The following BRD7 variants were observed in gnomAD, a reference collection of about 807,000 sequenced individuals.
BRD7 encodes bromodomain containing 7, also known as bromodomain-containing protein 7.
Under a neutral mutation model 82.1 loss-of-function variants are expected in BRD7, and 15 were observed. The observed-to-expected ratio is 0.18, with a 90% CI of 0.12 to 0.28. The LOEUF (loss-of-function observed/expected upper bound fraction) is 0.28, where lower values mean the gene tolerates loss of function less well. Among genes scored for constraint, BRD7 ranks in the 10% least tolerant of loss-of-function variants. The pLI is 1.00. For missense variants in BRD7, 638 were observed against 779.9 expected (o/e 0.82, Z 2.17); for synonymous variants, 232 against 266.9 (o/e 0.87, Z 1.27).
chr16:50,340,922 C>A (rs918903849), intron 5 of BRD7, among the ~76,000 whole-genome samples: 2 of 152,028 alleles, frequency 1.3e-5, no homozygotes, highest in African/African-American at 4.8e-5. Context: ...CTGCCCCCTA[C>A]AAATTTGTTT....
chr16:50,330,749 G>A (rs766922266), intron 8 of BRD7, among the ~76,000 whole-genome samples: 4 of 151,786 alleles, frequency 2.6e-5, no homozygotes, highest in African/African-American at 4.8e-5. Flanking sequence ...ACAGAATTTC[G>A]CTCAAATGCC....
At chr16:50,343,258 C>T (rs1245075406) in intron 5 of BRD7, among the ~76,000 whole-genome samples, 2 of 152,192 alleles carry the variant, frequency 1.3e-5, no homozygotes, top group Non-Finnish European at 2.9e-5. Context: ...GTGATTTGAT[C>T]ATGGAGGCAG....
rs564445936 is a variant in BRD7, at chr16:50,326,523, T to C, written c.1088-132A>G. ...GTGAAGGAGGCTGGGAAGCGCTTAC[T>C]ACATCCACTTTTATAAGAAAATCAA... On this transcript the variant is annotated intron_variant, in intron 9 of 16. Transcript: ENST00000394688. 9 of 501,376 alleles carry C rather than the reference T, an allele frequency of 1.8e-5. No individual in the cohort carries two copies. The South Asian group carries it at 3.9e-4, about 22-fold the overall frequency. 31.1% of individuals were successfully genotyped at this position (501,376 alleles called of 1,614,324 possible).
At chr16:50,356,311 C>T (rs1200042282) in intron 2 of BRD7, among the ~76,000 whole-genome samples, 1 of 152,176 alleles carries the variant, frequency 6.6e-6, no homozygotes, top group Admixed American at 6.5e-5. Context: ...GAGAAATTTC[C>T]TGTCGTATGG....
chr16:50,324,110 T>C (rs1478757752), intron 11 of BRD7, among the ~76,000 whole-genome samples: 1 of 152,048 alleles, frequency 6.6e-6, no homozygotes, highest in Non-Finnish European at 1.5e-5. Flanking sequence ...GCTTAAAATA[T>C]CCAAAATTGA....
At chr16:50,347,168 T>C (rs1017526831) in intron 5 of BRD7, among the ~76,000 whole-genome samples, 1 of 152,232 alleles carries the variant, frequency 6.6e-6, no homozygotes, top group Non-Finnish European at 1.5e-5. Context: ...ACCACATGAT[T>C]ATCTCAATAG....
chr16:50,344,873 C>T (rs1567276454), intron 5 of BRD7, among the ~76,000 whole-genome samples: 1 of 152,162 alleles, frequency 6.6e-6, no homozygotes, highest in Non-Finnish European at 1.5e-5. Flanking sequence ...ACTTCCCCAA[C>T]CTAGCAAGGC....
At chr16:50,338,803 C>G in intron 6 of BRD7, among the ~76,000 whole-genome samples, 1 of 152,184 alleles carries the variant, frequency 6.6e-6, no homozygotes, top group East Asian at 1.9e-4. Context: ...CCAAAGTCCA[C>G]AAGTTAGTGG....
Position 50,337,417 on chromosome 16 carries a change from C to T in BRD7, c.703-2522G>A, listed in dbSNP as rs150068323. 1.9e-3 allele frequency among the ~76,000 whole-genome samples: 296 copies of T among 152,016 alleles called. 3 individuals carry two copies. Among genetic ancestry groups the T allele is most frequent in the African/African-American group, 5.8e-3 (240 of 41,458 alleles). ...CTGGAATTACAGGCATGCACCACCA[C>T]GCCCAACTAATTTTGTATTTTTAGT... On this transcript the variant is annotated intron_variant, in intron 6 of 16. Coordinates refer to ENST00000394688, the MANE Select transcript of BRD7 (RefSeq NM_013263.5).
chr16:50,368,385 C>T, intron 1 of BRD7, 87 bp from the exon 2 acceptor site: 1 of 1,399,320 alleles, frequency 7.1e-7, no homozygotes, highest in Non-Finnish European at 9.7e-7. Flanking sequence ...AGCGCCAAGG[C>T]GCAGCAAGCC....
chr16:50,350,704 C>T (rs1042044310), intron 4 of BRD7, among the ~76,000 whole-genome samples: 11 of 152,114 alleles, frequency 7.2e-5, no homozygotes, highest in African/African-American at 1.4e-4. Context: ...TAAATACCTC[C>T]GTATGTGTGC....
At chr16:50,352,420 C>G (rs556958909) in intron 4 of BRD7, among the ~76,000 whole-genome samples, 7 of 152,272 alleles carry the variant, frequency 4.6e-5, no homozygotes, top group Non-Finnish European at 7.4e-5. Flanking sequence ...TGTATACATA[C>G]CACATTTTAA....
chr16:50,366,571 C>G (rs1465095479), intron 2 of BRD7, among the ~76,000 whole-genome samples: 4 of 152,128 alleles, frequency 2.6e-5, no homozygotes, highest in Admixed American at 1.3e-4. Context: ...TTGTGATGTA[C>G]CTATACCTTG....
intron 2 of BRD7, among the ~76,000 whole-genome samples, chr16:50,358,352 C>CCGTCTCTACAAAAAATACAAAAATTAGCT (rs1555471847): frequency 6.6e-6 from 1 of 152,014 alleles, no homozygotes; most frequent in African/African-American, 2.4e-5. Flanking sequence ...TAGCGAAATC[C>CCGTCTCTACAAAAAATACAAAAATTAGCT]AGGAGTTTTG....
intron 5 of BRD7, among the ~76,000 whole-genome samples, chr16:50,346,365 G>T (rs181155927): frequency 3.9e-5 from 6 of 152,200 alleles, no homozygotes; most frequent in Admixed American, 3.3e-4. Flanking sequence ...AAAAATTAGA[G>T]AAGCAAGAGC....
intron 2 of BRD7, among the ~76,000 whole-genome samples, chr16:50,365,854 G>A (rs1053351143): frequency 6.6e-6 from 1 of 152,042 alleles, no homozygotes; most frequent in African/African-American, 2.4e-5. Context: ...TAAAGGGCAG[G>A]AGTTCCAGAA....
chr16:50,343,491 C>T (rs758445915), intron 5 of BRD7, among the ~76,000 whole-genome samples: 5 of 152,124 alleles, frequency 3.3e-5, no homozygotes, highest in African/African-American at 4.8e-5. Context: ...GAGTGTGAGC[C>T]GAAGCAGGGC....
chr16:50,368,546 G>T, intron 1 of BRD7, 180 bp downstream of exon 1: 1 of 724,252 alleles, frequency 1.4e-6, no homozygotes, highest in Non-Finnish European at 2.1e-6. Flanking sequence ...GGGGGACCCG[G>T]GTTCGAATGC....
intron 5 of BRD7, among the ~76,000 whole-genome samples, chr16:50,343,069 C>CA (rs1491335881): frequency 1.3e-5 from 2 of 152,202 alleles, no homozygotes; most frequent in African/African-American, 4.8e-5. Context: ...AAAATGAACT[C>CA]AGAGAGCAAT....
Sources: allele counts gnomAD v4.1 joint callset (sites outside exome capture counted in the v4.1 genomes callset), GRCh38; gene constraint gnomAD v4.1.1; transcripts MANE v1.5; gene names NCBI Gene and HGNC (gene_info 2026-07-23, HGNC 2026-07-21).